LRRK2: variants seen among roughly 807,000 people sequenced by gnomAD.
LRRK2 encodes the protein leucine-rich repeat serine/threonine-protein kinase 2.
LRRK2 carries 203 observed loss-of-function variants against 302.6 expected under a neutral mutation model. The ratio of observed to expected loss-of-function variants is 0.67; its 90% CI spans 0.60 to 0.75. LRRK2 has a LOEUF of 0.75. Ranked by LOEUF, LRRK2 falls within the 30% of genes least tolerant of loss-of-function variation. The probability of loss-of-function intolerance (pLI) is 0.00; values close to 1 mark genes in which losing one functional copy is unlikely to be tolerated. For missense variants in LRRK2, 2,830 were observed against 2,951.0 expected, an observed-to-expected ratio of 0.96 and a Z score of 0.95; for synonymous variants, 1,066 against 1,031.9, an observed-to-expected ratio of 1.03 and a Z score of -0.63.
intron 21 of LRRK2, 110 bp from the exon 22 acceptor site, chr12:40,294,735 A>C (rs1284215530): frequency 3.3e-6 from 2 of 603,608 alleles, no homozygotes; most frequent in Middle Eastern, 4.6e-4. Flanking sequence ...ATTTTTTCCC[A>C]TAATTATAAA....
chr12:40,301,545 C>T (rs1046027611), intron 25 of LRRK2, among the ~76,000 whole-genome samples: 4 of 152,118 alleles, frequency 2.6e-5, no homozygotes, highest in East Asian at 1.9e-4. Context: ...AGAATCATTT[C>T]GATTCATTTA....
At chr12:40,334,483 T>A (rs1271634999) in intron 39 of LRRK2, among the ~76,000 whole-genome samples, 1 of 152,202 alleles carries the variant, frequency 6.6e-6, no homozygotes, top group East Asian at 1.9e-4. Context: ...AACACTTGAT[T>A]AACACATGTT....
chr12:40,286,854 A>T (rs747166291), intron 19 of LRRK2, among the ~76,000 whole-genome samples: 7 of 152,082 alleles, frequency 4.6e-5, no homozygotes, highest in African/African-American at 7.2e-5. Context: ...ATAATGAATC[A>T]CTCAGCAAAC....
At chr12:40,315,156 C>T in intron 32 of LRRK2, 56 bp from the exon 33 acceptor site, 2 of 1,405,862 alleles carry the variant, frequency 1.4e-6, no homozygotes, top group South Asian at 2.3e-5. Context: ...TTTCTAAAGC[C>T]CCTTGATATT....
At chr12:40,333,754 G>A (rs1182867862) in intron 39 of LRRK2, among the ~76,000 whole-genome samples, 1 of 152,028 alleles carries the variant, frequency 6.6e-6, no homozygotes, top group Non-Finnish European at 1.5e-5. Flanking sequence ...GCCTCTCTGA[G>A]GATGTGGTAA....
chr12:40,271,328 G>T (rs1449203576), intron 14 of LRRK2, among the ~76,000 whole-genome samples: 1 of 152,106 alleles, frequency 6.6e-6, no homozygotes, highest in Non-Finnish European at 1.5e-5. Flanking sequence ...AATTATCTGG[G>T]AATGCGAGTC....
At chr12:40,335,233 T>A (rs1337009848) in intron 40 of LRRK2, 76 bp downstream of exon 40, 1 of 1,445,454 alleles carries the variant, frequency 6.9e-7, no homozygotes, top group Non-Finnish European at 9.7e-7. Flanking sequence ...CTGAGAACAC[T>A]TCCCAGTAAC....
chr12:40,289,541 CATAA>C (rs907532653), intron 20 of LRRK2, among the ~76,000 whole-genome samples: 3 of 148,492 alleles, frequency 2.0e-5, no homozygotes, highest in East Asian at 2.0e-4. Context: ...ATAATTAATA[CATAA>C]ATAATAATTT....
rs377312433 is a variant in LRRK2 at position 40,249,837 on chromosome 12, A to G, written c.850A>G (p.Asn284Asp). 2 of 1,613,730 alleles carry G rather than the reference A, an allele frequency of 1.2e-6. No individual in the cohort carries two copies. Among genetic ancestry groups the G allele is most frequent in the Non-Finnish European group, 1.7e-6 (2 of 1,179,740 alleles). Residue 284 changes from asparagine (N) to aspartate (D), a missense_variant, in exon 8 of 51, where the codon AAT becomes GAT. Physicochemically the swap from Asn to Asp is conservative, Grantham distance 23. Around this residue, in one of 3 missense-constraint regions of LRRK2, gnomAD observed 2,121 missense variants for 2,148.0 expected, o/e 0.99. Coordinates refer to ENST00000298910, the MANE Select transcript of LRRK2 (RefSeq NM_198578.4). ...LHRLTLGNFF[N>D]ILVLNEVHEF... ...CACTTAACTTTTAGGTAATTTTTTC[A>G]ATATCCTGGTATTAAACGAAGTCCA...
intron 19 of LRRK2, chr12:40,286,291 C>T (rs1396337004): frequency 6.6e-6 from 1 of 151,926 alleles, no homozygotes; most frequent in African/African-American, 2.4e-5. Flanking sequence ...TGTGTGAGCT[C>T]ATCCTACCGG....
chr12:40,339,960 T>C (rs1945986415), intron 40 of LRRK2, among the ~76,000 whole-genome samples: 1 of 152,208 alleles, frequency 6.6e-6, no homozygotes. Flanking sequence ...ATTCATATGA[T>C]CATTGAGAGA....
chr12:40,300,226 T>C (rs1565728838), intron 25 of LRRK2, among the ~76,000 whole-genome samples: 1 of 152,202 alleles, frequency 6.6e-6, no homozygotes, highest in Non-Finnish European at 1.5e-5. Flanking sequence ...TGCAAGACAT[T>C]ATAATAATGC....
In LRRK2 at chr12:40,368,680, A is replaced by C. The variant is rs1946947070; in HGVS notation, c.*915A>C. On this transcript the variant is annotated 3_prime_UTR_variant, in exon 51 of 51. Coordinates refer to ENST00000298910, the MANE Select transcript of LRRK2 (RefSeq NM_198578.4). ...TGATGCTGCAGATCCTACATCATTC[A>C]GATAGAAACCTTTTTTTTTTTCAGA... The C allele has an allele frequency of 6.8e-6, 1 of 146,788 alleles. No individual in the cohort carries two copies. The highest frequency in any genetic ancestry group is 1.5e-5 in the Non-Finnish European group (1 of 66,444). The allele number at this position is 146,788 out of a possible 1,614,324, so 9.1% of individuals were successfully genotyped here.
chr12:40,287,067 C>T (rs1943952862), intron 19 of LRRK2, among the ~76,000 whole-genome samples: 1 of 151,982 alleles, frequency 6.6e-6, no homozygotes, highest in Non-Finnish European at 1.5e-5. Flanking sequence ...GAACACAGGC[C>T]TGTCTGGCTT....
chr12:40,299,386 A>G (rs528334577), intron 25 of LRRK2, 129 bp downstream of exon 25: 1 of 1,054,674 alleles, frequency 9.5e-7, no homozygotes, highest in African/African-American at 1.6e-5. Flanking sequence ...GATTTAAAAA[A>G]TAAAATTAGC....
chr12:40,323,093 A>C (rs560298448), intron 37 of LRRK2, 67 bp from the exon 38 acceptor site: 1 of 1,430,304 alleles, frequency 7.0e-7, no homozygotes, highest in African/African-American at 1.4e-5. Flanking sequence ...TTTTCACATC[A>C]AAACCACAAA....
At position 40,323,118 on chromosome 12, in the gene LRRK2, T is replaced by A; in HGVS notation, c.5510-42T>A. Reference sequence around the variant, plus strand: ...AAAACCACAAATTTATGTATCTCCTTAAATGTTGTTTTTATTTAAAAAATG... The same window carrying A: ...AAAACCACAAATTTATGTATCTCCTAAAATGTTGTTTTTATTTAAAAAATG... On this transcript the variant is annotated intron_variant, in intron 37 of 50. Coordinates refer to ENST00000298910, the MANE Select transcript of LRRK2 (RefSeq NM_198578.4). 3.8e-6 allele frequency: 6 copies of A among 1,566,006 alleles called. No individual in the cohort carries two copies. In the South Asian group the frequency reaches 5.6e-5, roughly 15 times the overall value.
intron 7 of LRRK2, among the ~76,000 whole-genome samples, chr12:40,247,429 TC>T (rs1565677404): frequency 6.8e-6 from 1 of 146,354 alleles, no homozygotes; most frequent in Non-Finnish European, 1.5e-5. Context: ...TATATATGAA[TC>T]TACTTATATA....
At chr12:40,338,949 A>T (rs531083765) in intron 40 of LRRK2, among the ~76,000 whole-genome samples, 15 of 152,276 alleles carry the variant, frequency 9.9e-5, no homozygotes, top group African/African-American at 3.6e-4. Context: ...GGTCAACTTC[A>T]TTAGTGTATT....
Sources: allele counts gnomAD v4.1 joint callset (sites outside exome capture counted in the v4.1 genomes callset), GRCh38; gene constraint gnomAD v4.1.1; regional missense constraint gnomAD v4.1.1; transcripts MANE v1.5; gene names NCBI Gene and HGNC (gene_info 2026-07-23, HGNC 2026-07-21).